Variants in AGBL4 observed in about 807,000 individuals in gnomAD.
AGBL4 encodes AGBL carboxypeptidase 4, also known as cytosolic carboxypeptidase 6.
Under a neutral mutation model 66.4 loss-of-function variants are expected in AGBL4, and 58 were observed. That is an observed-to-expected ratio of 0.87 (90% CI 0.71 to 1.09). The LOEUF (loss-of-function observed/expected upper bound fraction) is 1.09, where lower values mean the gene tolerates loss of function less well. AGBL4 is among the 50% of genes least tolerant of loss of function. AGBL4 has a pLI of 0.00. For missense variants in AGBL4, 579 were observed against 631.0 expected, an observed-to-expected ratio of 0.92 and a Z score of 0.88; for synonymous variants, 234 against 222.9, an observed-to-expected ratio of 1.05 and a Z score of -0.44.
At chr1:48,593,258 G>A (rs185196664) in intron 9 of AGBL4, among the ~76,000 whole-genome samples, 143 of 152,202 alleles carry the variant, frequency 9.4e-4, no homozygotes, top group Non-Finnish European at 1.8e-3. Flanking sequence ...ATTCAGATCT[G>A]CTGTTCTCTG....
intron 4 of AGBL4, among the ~76,000 whole-genome samples, chr1:49,077,831 G>T (rs767239937): frequency 8.5e-5 from 13 of 152,094 alleles, no homozygotes; most frequent in Non-Finnish European, 1.8e-4. Context: ...CCAAAGGGAG[G>T]AGGGAGGAGG....
intron 6 of AGBL4, among the ~76,000 whole-genome samples, chr1:48,808,866 G>T (rs902303437): frequency 6.6e-6 from 1 of 152,206 alleles, no homozygotes; most frequent in Non-Finnish European, 1.5e-5. Context: ...TAAGTGAAGA[G>T]CTGCACAGAA....
intron 4 of AGBL4, among the ~76,000 whole-genome samples, chr1:49,189,218 C>T (rs1647070625): frequency 6.6e-6 from 1 of 152,114 alleles, no homozygotes; most frequent in Non-Finnish European, 1.5e-5. Context: ...AGAGAGAATC[C>T]TCCTTCTCAT....
intron 2 of AGBL4, among the ~76,000 whole-genome samples, chr1:49,779,158 C>T (rs954355582): frequency 1.3e-5 from 2 of 152,172 alleles, no homozygotes; most frequent in African/African-American, 4.8e-5. Flanking sequence ...TAAAATAGCA[C>T]TCCTTATTCC....
At chr1:49,530,529 C>T (rs2148813289) in intron 3 of AGBL4, among the ~76,000 whole-genome samples, 1 of 152,034 alleles carries the variant, frequency 6.6e-6, no homozygotes, top group Middle Eastern at 3.4e-3. Context: ...ACTTCCAGTT[C>T]AGTTTTCATT....
chr1:49,717,754 G>T (rs1648269401), intron 2 of AGBL4, among the ~76,000 whole-genome samples: 4 of 152,078 alleles, frequency 2.6e-5, no homozygotes, highest in Admixed American at 2.0e-4. Flanking sequence ...CTGTAGTAGT[G>T]TCTGGCCTAA....
intron 9 of AGBL4, among the ~76,000 whole-genome samples, chr1:48,599,799 G>T (rs774408222): frequency 2.0e-5 from 3 of 152,186 alleles, no homozygotes; most frequent in Non-Finnish European, 4.4e-5. Flanking sequence ...CTGAATGCAA[G>T]ACAGGAAGTG....
chr1:48,726,959 C>T (rs1183346318), intron 6 of AGBL4, among the ~76,000 whole-genome samples: 10 of 152,330 alleles, frequency 6.6e-5, no homozygotes, highest in African/African-American at 2.4e-4. Context: ...CTAGACGCAT[C>T]GGCCCAAAGC....
At chr1:49,646,812 G>C (rs1645898347) in intron 3 of AGBL4, among the ~76,000 whole-genome samples, 1 of 152,038 alleles carries the variant, frequency 6.6e-6, no homozygotes, top group South Asian at 2.1e-4. Flanking sequence ...TGTGGTATTT[G>C]TATCATGACA....
At chr1:49,212,201 A>C (rs1648727533) in intron 4 of AGBL4, among the ~76,000 whole-genome samples, 2 of 152,114 alleles carry the variant, frequency 1.3e-5, no homozygotes, top group Non-Finnish European at 2.9e-5. Context: ...CACTGGCAAG[A>C]AGAAGAAATT....
In AGBL4 at chr1:48,662,970, G is replaced by A. The variant is rs150821924; in HGVS notation, c.724+182C>T. Among the ~76,000 whole-genome samples, 783 of 152,166 alleles carry A rather than the reference G, an allele frequency of 5.1e-3. 9 individuals carry two copies. The highest frequency in any genetic ancestry group is 0.018 in the African/African-American group (751 of 41,498). On this transcript the variant is annotated intron_variant, in intron 7 of 13. Coordinates refer to ENST00000371839, the MANE Select transcript of AGBL4 (RefSeq NM_032785.4). Reference sequence around the variant, plus strand: ...CATTGATTAATTAATTCATACATACGTCTAGTCAATAAACATTTATTGAAA... The same window carrying A: ...CATTGATTAATTAATTCATACATACATCTAGTCAATAAACATTTATTGAAA...
At chr1:49,860,844 A>C (rs934047074) in intron 1 of AGBL4, among the ~76,000 whole-genome samples, 2 of 152,172 alleles carry the variant, frequency 1.3e-5, no homozygotes, top group African/African-American at 4.8e-5. Flanking sequence ...AAGAACCAAA[A>C]ATCAGATGAG....
intron 1 of AGBL4, among the ~76,000 whole-genome samples, chr1:49,873,098 T>A (rs981470473): frequency 6.6e-6 from 1 of 151,986 alleles, no homozygotes; most frequent in Non-Finnish European, 1.5e-5. Context: ...TATATATATA[T>A]AAATCACTTT....
chr1:49,169,282 G>C (rs967017888), intron 4 of AGBL4, among the ~76,000 whole-genome samples: 1 of 152,152 alleles, frequency 6.6e-6, no homozygotes, highest in African/African-American at 2.4e-5. Context: ...CTCACAGATT[G>C]CCTGGCCAGT....
chr1:49,418,547 A>C (rs1031477600), intron 3 of AGBL4, among the ~76,000 whole-genome samples: 8 of 152,216 alleles, frequency 5.3e-5, no homozygotes, highest in African/African-American at 1.9e-4. Context: ...AACAACAAAA[A>C]ACCAAGACTC....
chr1:49,245,257 TACACACAC>T (rs139244286), intron 4 of AGBL4, among the ~76,000 whole-genome samples: 246 of 139,122 alleles, frequency 1.8e-3, no homozygotes, highest in Admixed American at 2.4e-3. Flanking sequence ...AACTTTAAAA[TACACACAC>T]ACACACACAC....
rs56136725 is a variant in AGBL4, at chr1:48,859,697, C to T, written c.634+7494G>A. 6.6e-3 allele frequency among the ~76,000 whole-genome samples: 999 copies of T among 152,272 alleles called. 11 individuals carry two copies. Among genetic ancestry groups the T allele is most frequent in the African/African-American group, 0.023 (946 of 41,546 alleles). On this transcript the variant is annotated intron_variant, in intron 6 of 13. Coordinates refer to ENST00000371839, the MANE Select transcript of AGBL4 (RefSeq NM_032785.4). ...GGGACATGTACCAAGAGTGAATAAG[C>T]CTTTGCTTTTTAAGCTTTTGCAATT... is the stretch of plus-strand genomic sequence containing the variant.
chr1:48,541,688 G>A (rs1472665235), intron 11 of AGBL4, among the ~76,000 whole-genome samples: 2 of 152,172 alleles, frequency 1.3e-5, no homozygotes, highest in African/African-American at 4.8e-5. Context: ...AGGCTCGCTT[G>A]AACCCAAGAG....
At chr1:49,770,981 A>AT (rs891169131) in intron 2 of AGBL4, among the ~76,000 whole-genome samples, 1 of 151,580 alleles carries the variant, frequency 6.6e-6, no homozygotes. Flanking sequence ...TGATTTTTAA[A>AT]TTTTTTTTAG....
Sources: allele counts gnomAD v4.1 joint callset (sites outside exome capture counted in the v4.1 genomes callset), GRCh38; gene constraint gnomAD v4.1.1; transcripts MANE v1.5; gene names NCBI Gene and HGNC (gene_info 2026-07-23, HGNC 2026-07-21).